Variants in STAG1 observed in about 807,000 individuals in gnomAD.
STAG1 encodes cohesin subunit SA-1.
STAG1 carries 26 observed loss-of-function variants against 170.9 expected under a neutral mutation model. The observed-to-expected ratio is 0.15, with a 90% CI of 0.11 to 0.21. The LOEUF (loss-of-function observed/expected upper bound fraction) is 0.21, where lower values mean the gene tolerates loss of function less well. Ranked by LOEUF, STAG1 falls within the 10% of genes least tolerant of loss-of-function variation. The pLI, the probability that STAG1 is intolerant of heterozygous loss-of-function variation, is 1.00. For synonymous variants in STAG1, 514 were observed against 497.7 expected (o/e 1.03, Z -0.44); for missense variants, 964 against 1,509.5 (o/e 0.64, Z 5.99).
At chr3:136,573,189 A>C (rs1296652325) in intron 4 of STAG1, among the ~76,000 whole-genome samples, 2 of 130,358 alleles carry the variant, frequency 1.5e-5, no homozygotes, top group Non-Finnish European at 3.3e-5. Context: ...AAAAAAGAAA[A>C]GGATTAAAAA....
At chr3:136,519,243 C>T (rs987845715) in intron 7 of STAG1, among the ~76,000 whole-genome samples, 6 of 152,078 alleles carry the variant, frequency 3.9e-5, no homozygotes, top group Admixed American at 2.0e-4. Flanking sequence ...AAATGGCATA[C>T]AATTAACCTT....
At chr3:136,386,740 T>C (rs2086883642) in intron 22 of STAG1, among the ~76,000 whole-genome samples, 2 of 152,206 alleles carry the variant, frequency 1.3e-5, no homozygotes. Context: ...TACCACCATG[T>C]TGCCCAGGCT....
At chr3:136,679,585 C>T (rs550234322) in intron 1 of STAG1, among the ~76,000 whole-genome samples, 80 of 152,182 alleles carry the variant, frequency 5.3e-4, no homozygotes, top group Middle Eastern at 3.4e-3. Context: ...AAAAATTAGC[C>T]GGGCGCGGTG....
At chr3:136,597,294 A>T (rs1938472655) in intron 4 of STAG1, among the ~76,000 whole-genome samples, 1 of 152,180 alleles carries the variant, frequency 6.6e-6, no homozygotes, top group African/African-American at 2.4e-5. Context: ...TTCTTAGTAA[A>T]GAAAAGAAAG....
chr3:136,488,970 G>A (rs970365511), intron 9 of STAG1, among the ~76,000 whole-genome samples: 1 of 152,176 alleles, frequency 6.6e-6, no homozygotes, highest in African/African-American at 2.4e-5. Context: ...CCAAAGCAAA[G>A]AGTAATGCAG....
chr3:136,435,989 G>C (rs1423447644), intron 15 of STAG1, among the ~76,000 whole-genome samples: 1 of 151,576 alleles, frequency 6.6e-6, no homozygotes, highest in South Asian at 2.1e-4. Flanking sequence ...AGACAGTCTT[G>C]CTCCATCGCC....
intron 1 of STAG1, among the ~76,000 whole-genome samples, chr3:136,632,939 C>T (rs1037215108): frequency 2.6e-5 from 4 of 152,030 alleles, no homozygotes; most frequent in African/African-American, 7.2e-5. Context: ...TATCAGGTTA[C>T]TGGTTTGACC....
intron 1 of STAG1, among the ~76,000 whole-genome samples, chr3:136,701,528 A>G (rs1240187969): frequency 1.3e-5 from 2 of 152,178 alleles, no homozygotes; most frequent in East Asian, 3.9e-4. Flanking sequence ...TCAGTAAAAT[A>G]AAAAATAAGA....
At chr3:136,491,140 C>T (rs188253589) in intron 9 of STAG1, among the ~76,000 whole-genome samples, 9 of 152,016 alleles carry the variant, frequency 5.9e-5, no homozygotes, top group Admixed American at 3.9e-4. Flanking sequence ...TTTTTAGACA[C>T]GGGGTCTTGC....
chr3:136,426,560 AAG>A (rs2088130968), intron 16 of STAG1, among the ~76,000 whole-genome samples: 1 of 152,220 alleles, frequency 6.6e-6, no homozygotes, highest in Non-Finnish European at 1.5e-5. Flanking sequence ...AATCTATTGT[AAG>A]AACTTAAAAT....
chr3:136,389,208 G>A (rs572725714), intron 22 of STAG1, among the ~76,000 whole-genome samples: 36 of 152,314 alleles, frequency 2.4e-4, no homozygotes, highest in African/African-American at 7.5e-4. Flanking sequence ...AAGAAGTTTG[G>A]ATATTTGTAA....
chr3:136,650,120 C>T (rs1941165191), intron 1 of STAG1, among the ~76,000 whole-genome samples: 1 of 151,556 alleles, frequency 6.6e-6, no homozygotes, highest in Non-Finnish European at 1.5e-5. Flanking sequence ...CCTGTAGCCC[C>T]GGCTACTCTG....
chr3:136,464,129 T>C (rs1027506528), intron 13 of STAG1, among the ~76,000 whole-genome samples: 1 of 151,712 alleles, frequency 6.6e-6, no homozygotes, highest in Non-Finnish European at 1.5e-5. Flanking sequence ...CTGATTAAAA[T>C]AATCCTGATC....
At chr3:136,464,832 GA>G (rs1358671458) in intron 13 of STAG1, 48 bp downstream of exon 13, 1 of 1,484,726 alleles carries the variant, frequency 6.7e-7, no homozygotes, top group Non-Finnish European at 9.2e-7. Flanking sequence ...AAAACAACAA[GA>G]AAACAACATA....
At chr3:136,679,022 C>G (rs531800152) in intron 1 of STAG1, among the ~76,000 whole-genome samples, 1 of 141,598 alleles carries the variant, frequency 7.1e-6, no homozygotes, top group South Asian at 2.2e-4. Flanking sequence ...CAAATGTCTA[C>G]AAACATAAAA....
At chr3:136,573,049 C>A (rs992073857) in intron 4 of STAG1, among the ~76,000 whole-genome samples, 2 of 152,106 alleles carry the variant, frequency 1.3e-5, no homozygotes, top group African/African-American at 2.4e-5. Context: ...CACAGTGGCA[C>A]ATGCCTATAA....
chr3:136,531,209 G>C (rs1464639193), intron 6 of STAG1, among the ~76,000 whole-genome samples: 6 of 150,806 alleles, frequency 4.0e-5, no homozygotes, highest in African/African-American at 9.8e-5. Context: ...ACCACAATGA[G>C]ATACCATCTC....
intron 28 of STAG1, among the ~76,000 whole-genome samples, chr3:136,354,755 A>AAAAAAAAAAAAAAAAAAAAAAAAAC (rs1491307249): frequency 1.7e-5 from 1 of 57,356 alleles, no homozygotes; most frequent in Non-Finnish European, 3.6e-5. Context: ...AGAAAGAACC[A>AAAAAAAAAAAAAAAAAAAAAAAAAC]AAAAAAAAAA....
intron 21 of STAG1, among the ~76,000 whole-genome samples, chr3:136,411,662 T>A (rs969864632): frequency 1.5e-4 from 23 of 152,070 alleles, no homozygotes; most frequent in African/African-American, 5.3e-4. Context: ...AAAATAATAA[T>A]AATAAAGGTC....
Sources: allele counts gnomAD v4.1 joint callset (sites outside exome capture counted in the v4.1 genomes callset), GRCh38; gene constraint gnomAD v4.1.1; transcripts MANE v1.5; gene names NCBI Gene and HGNC (gene_info 2026-07-23, HGNC 2026-07-21).